Variants in OPCML observed in about 807,000 individuals in gnomAD.
OPCML encodes the protein opioid binding protein/cell adhesion molecule like.
Under a neutral mutation model 37.8 loss-of-function variants are expected in OPCML, and 13 were observed. The ratio of observed to expected loss-of-function variants is 0.34; its 90% CI spans 0.22 to 0.55. The LOEUF (loss-of-function observed/expected upper bound fraction) is 0.55. OPCML is among the 20% of genes least tolerant of loss of function. The pLI is 0.91. For missense variants in OPCML, 341 were observed against 435.6 expected (o/e 0.78, Z 1.93); for synonymous variants, 176 against 168.8 (o/e 1.04, Z -0.33).
chr11:132,517,787 A>T (rs747035882), intron 4 of OPCML, among the ~76,000 whole-genome samples: 1 of 152,170 alleles, frequency 6.6e-6, no homozygotes, highest in Non-Finnish European at 1.5e-5. Flanking sequence ...ATTCATTCTC[A>T]TATTATAATG....
chr11:133,114,525 C>A (rs550621730), intron 1 of OPCML, among the ~76,000 whole-genome samples: 9 of 152,264 alleles, frequency 5.9e-5, no homozygotes, highest in Non-Finnish European at 1.2e-4. Context: ...GTGTCCTGAA[C>A]CCAGGCCAGA....
chr11:132,669,699 G>A (rs1942376179), intron 2 of OPCML, among the ~76,000 whole-genome samples: 1 of 152,188 alleles, frequency 6.6e-6, no homozygotes, highest in East Asian at 1.9e-4. Context: ...AGCCATTTCT[G>A]AAGCAATGAG....
intron 1 of OPCML, among the ~76,000 whole-genome samples, chr11:133,528,888 C>G (rs1027763239): frequency 6.6e-6 from 1 of 152,254 alleles, no homozygotes; most frequent in African/African-American, 2.4e-5. Context: ...AGGGGACAAA[C>G]AGGAAGTCAT....
chr11:132,498,876 T>C (rs1247199627), intron 4 of OPCML, among the ~76,000 whole-genome samples: 2 of 152,068 alleles, frequency 1.3e-5, no homozygotes, highest in Non-Finnish European at 2.9e-5. Context: ...CATTTATATT[T>C]TGCAAAAATG....
chr11:132,871,213 T>TAA (rs61664798), intron 2 of OPCML, among the ~76,000 whole-genome samples: 8 of 144,002 alleles, frequency 5.6e-5, no homozygotes, highest in East Asian at 4.0e-4. Flanking sequence ...TAACTTAATT[T>TAA]AAAAAAAAAA....
intron 1 of OPCML, among the ~76,000 whole-genome samples, chr11:133,101,010 C>T (rs959742297): frequency 3.3e-5 from 5 of 152,190 alleles, no homozygotes; most frequent in South Asian, 4.2e-4. Context: ...CTGCAACCTC[C>T]GCCTCCTGGG....
chr11:132,566,915 G>A (rs1036438970), intron 3 of OPCML, among the ~76,000 whole-genome samples: 2 of 150,552 alleles, frequency 1.3e-5, no homozygotes, highest in Non-Finnish European at 2.9e-5. Flanking sequence ...AGCATGCACA[G>A]AACCCAAGGA....
chr11:133,192,799 G>C (rs1304467211), intron 1 of OPCML, among the ~76,000 whole-genome samples: 1 of 151,826 alleles, frequency 6.6e-6, no homozygotes, highest in Non-Finnish European at 1.5e-5. Context: ...ACAAATTTTA[G>C]TTGTGGTTGC....
intron 4 of OPCML, among the ~76,000 whole-genome samples, chr11:132,479,688 A>G (rs1395010247): frequency 6.6e-6 from 1 of 152,204 alleles, no homozygotes; most frequent in Non-Finnish European, 1.5e-5. Flanking sequence ...GAGAACAGGC[A>G]GACTGCCTCC....
chr11:133,530,080 G>A (rs1948572746), intron 1 of OPCML, among the ~76,000 whole-genome samples: 1 of 152,170 alleles, frequency 6.6e-6, no homozygotes, highest in Admixed American at 6.5e-5. Context: ...CTCTCCCCCA[G>A]AAGATGGGGG....
rs189586444 is a variant in OPCML at position 133,017,507 on chromosome 11, C to T, written c.62-74497G>A. On this transcript the variant is annotated intron_variant, in intron 1 of 7. Coordinates refer to ENST00000524381, the MANE Select transcript of OPCML (RefSeq NM_001012393.5). Reference sequence around the variant, plus strand: ...CCGCCTCCTGGGTTCAAGCAATTCTCCTGCCTCAGCCTCCCAAGTAGCTGG... The same window carrying T: ...CCGCCTCCTGGGTTCAAGCAATTCTTCTGCCTCAGCCTCCCAAGTAGCTGG... 4.6e-5 allele frequency among the ~76,000 whole-genome samples: 7 copies of T among 152,142 alleles called. No individual in the cohort carries two copies. The East Asian group carries it at 7.8e-4, about 17-fold the overall frequency.
At chr11:132,969,028 A>G (rs1506882) in intron 1 of OPCML, among the ~76,000 whole-genome samples, 63,545 of 151,504 alleles carry the variant, frequency 0.42, 13,609 homozygotes, top group Admixed American at 0.5. Context: ...AGGTTTTTGG[A>G]AACAGGTGGT....
At chr11:133,481,407 C>A (rs1947367243) in intron 1 of OPCML, among the ~76,000 whole-genome samples, 1 of 151,752 alleles carries the variant, frequency 6.6e-6, no homozygotes, top group South Asian at 2.1e-4. Flanking sequence ...GAGCCCAAGT[C>A]TCTGCCATTG....
intron 1 of OPCML, among the ~76,000 whole-genome samples, chr11:133,178,377 T>A (rs1187525059): frequency 6.6e-6 from 1 of 152,156 alleles, no homozygotes; most frequent in African/African-American, 2.4e-5. Context: ...CGCAGTCTTC[T>A]GCATGGCCTG....
At chr11:133,278,176 G>T (rs1021371112) in intron 1 of OPCML, among the ~76,000 whole-genome samples, 1 of 152,034 alleles carries the variant, frequency 6.6e-6, no homozygotes, top group Non-Finnish European at 1.5e-5. Context: ...GGATCTCTTG[G>T]CATGGGAAGC....
In OPCML at chr11:132,420,066, A is replaced by G. The variant is rs2095952416; in HGVS notation, c.*127T>C. The G allele has an allele frequency of 1.3e-6, 1 of 776,522 alleles. No homozygotes were observed. Among genetic ancestry groups the G allele is most frequent in the South Asian group, 2.0e-5 (1 of 50,696 alleles). 48.1% of individuals were successfully genotyped at this position (776,522 alleles called of 1,614,324 possible). A position where few individuals can be genotyped will look rare whatever the true frequency, so the allele number is the denominator to read the frequency against. ...CAAACAAACAAATAAACAAAAACAA[A>G]AAGAAAACAAATCTAGAATAACAGA... On this transcript the variant is annotated 3_prime_UTR_variant, in exon 8 of 8. Transcript: ENST00000524381.
At chr11:132,746,682 G>C (rs144316366) in intron 2 of OPCML, among the ~76,000 whole-genome samples, 177 of 152,238 alleles carry the variant, frequency 1.2e-3, no homozygotes, top group African/African-American at 4.1e-3. Flanking sequence ...TGAAAAAGGG[G>C]GTCCTACAGG....
At chr11:132,664,407 G>A (rs1195561861) in intron 2 of OPCML, among the ~76,000 whole-genome samples, 3 of 152,028 alleles carry the variant, frequency 2.0e-5, no homozygotes, top group Non-Finnish European at 4.4e-5. Context: ...GCATTTCTCT[G>A]AATTTACTTT....
At chr11:132,528,761 C>T (rs756695554) in intron 4 of OPCML, among the ~76,000 whole-genome samples, 1 of 152,150 alleles carries the variant, frequency 6.6e-6, no homozygotes, top group Non-Finnish European at 1.5e-5. Context: ...ACCAACTGAC[C>T]CACCTCTACT....
Sources: gnomAD v4.1 joint callset for allele counts (sites outside exome capture counted in the v4.1 genomes callset) on GRCh38, gnomAD v4.1.1 for gene constraint, MANE v1.5 for transcripts, NCBI Gene and HGNC (gene_info 2026-07-23, HGNC 2026-07-21) for gene names.